FHIT: variants seen among roughly 807,000 people sequenced by gnomAD.
FHIT encodes the protein bis(5'-adenosyl)-triphosphatase.
A neutral mutation model predicts 17.9 loss-of-function variants in FHIT; 19 were observed. The observed-to-expected ratio is 1.06, with a 90% CI of 0.74 to 1.56. The LOEUF (loss-of-function observed/expected upper bound fraction) is 1.56. Ranked by LOEUF, FHIT falls within the 40% of genes most tolerant of loss-of-function variation. The pLI, the probability that FHIT is intolerant of heterozygous loss-of-function variation, is 0.00. For synonymous variants in FHIT, 81 were observed against 69.7 expected (o/e 1.16, Z -0.81); for missense variants, 248 against 189.2 (o/e 1.31, Z -1.82).
In FHIT at chr3:60,357,720, T is replaced by C. The variant is rs142870408; in HGVS notation, c.103+179140A>G. On this transcript the variant is annotated intron_variant, in intron 5 of 9. Coordinates refer to ENST00000492590, the MANE Select transcript of FHIT (RefSeq NM_002012.4). The stretch of plus-strand genomic sequence containing the variant: ...CATATTATTCTCTGTAGTATATACT[T>C]TCATATTGATACACATATTTAACAT... Among the ~76,000 whole-genome samples the C allele has an allele frequency of 8.1e-3, 1,241 of 152,326 alleles. 16 individuals carry two copies. The highest frequency in any genetic ancestry group is 0.048 in the Middle Eastern group (14 of 292).
chr3:60,257,542 C>T (rs1390737085), intron 5 of FHIT, among the ~76,000 whole-genome samples: 1 of 152,136 alleles, frequency 6.6e-6, no homozygotes, highest in Non-Finnish European at 1.5e-5. Flanking sequence ...GCTGTGGATG[C>T]CCTAACCCAT....
At chr3:60,940,212 T>C (rs1280414268) in intron 3 of FHIT, among the ~76,000 whole-genome samples, 3 of 152,134 alleles carry the variant, frequency 2.0e-5, no homozygotes, top group Non-Finnish European at 4.4e-5. Context: ...TAAATATTGG[T>C]TTTAAAATAA....
At chr3:59,792,402 G>A (rs1353354639) in intron 8 of FHIT, among the ~76,000 whole-genome samples, 3 of 152,120 alleles carry the variant, frequency 2.0e-5, no homozygotes, top group African/African-American at 7.2e-5. Context: ...GAAGGTGAGG[G>A]TTCCAAGTAC....
chr3:60,508,709 T>C (rs989004672), intron 5 of FHIT, among the ~76,000 whole-genome samples: 2 of 152,196 alleles, frequency 1.3e-5, no homozygotes, highest in African/African-American at 2.4e-5. Flanking sequence ...TTTGGATCAA[T>C]TCTTATCCAA....
chr3:60,899,098 AC>A, intron 3 of FHIT, among the ~76,000 whole-genome samples: 1 of 152,288 alleles, frequency 6.6e-6, no homozygotes, highest in African/African-American at 2.4e-5. Context: ...TACTTTGAAC[AC>A]CCTAATTATC....
intron 5 of FHIT, among the ~76,000 whole-genome samples, chr3:60,278,389 C>T (rs900985620): frequency 6.6e-6 from 1 of 152,154 alleles, no homozygotes; most frequent in African/African-American, 2.4e-5. Context: ...CTCTTTTAGC[C>T]TTCCTGTCTA....
At chr3:60,905,045 T>A (rs1283932563) in intron 3 of FHIT, among the ~76,000 whole-genome samples, 3 of 151,714 alleles carry the variant, frequency 2.0e-5, no homozygotes, top group African/African-American at 7.3e-5. Context: ...TATGAAAATA[T>A]GCTTAATTTT....
rs541828593 is a variant in FHIT, at chr3:60,236,030, T to G, written c.104-221878A>C. ...TTTTAATTCCTCAGACATACTCTTC[T>G]GCTGCACGTAGTTCTCACACCTCAA... On this transcript the variant is annotated intron_variant, in intron 5 of 9. Transcript: ENST00000492590. Among the ~76,000 whole-genome samples, 6 of 152,168 alleles carry G rather than the reference T, an allele frequency of 3.9e-5. No individual in the cohort carries two copies. The South Asian group carries it at 8.3e-4, about 21-fold the overall frequency.
chr3:60,902,467 C>A (rs782429462), intron 3 of FHIT, among the ~76,000 whole-genome samples: 1 of 152,188 alleles, frequency 6.6e-6, no homozygotes, highest in Non-Finnish European at 1.5e-5. Flanking sequence ...AAAGGGCTGA[C>A]CCGAAAGTTC....
intron 4 of FHIT, among the ~76,000 whole-genome samples, chr3:60,742,171 G>A (rs2042253885): frequency 6.6e-6 from 1 of 152,202 alleles, no homozygotes; most frequent in Admixed American, 6.5e-5. Flanking sequence ...GAGGGAATGA[G>A]TGCAAAATTC....
chr3:60,790,967 C>T lies in FHIT; in HGVS notation c.-18+30952G>A, dbSNP rs1282483800. On this transcript the variant is annotated intron_variant, in intron 4 of 9. Coordinates refer to ENST00000492590, the MANE Select transcript of FHIT (RefSeq NM_002012.4). ...CAGTTTTTCAGTAAAACTAAATTTG[C>T]TGTAGAAAATCGTCTGTTTTTTAAA... is the stretch of plus-strand genomic sequence containing the variant. Among the ~76,000 whole-genome samples the T allele has an allele frequency of 2.6e-5, 4 of 152,252 alleles. No homozygotes were observed. The East Asian group carries it at 5.8e-4, about 22-fold the overall frequency.
intron 4 of FHIT, among the ~76,000 whole-genome samples, chr3:60,614,809 GTTTTTTT>G (rs147892145): frequency 1.3e-5 from 1 of 78,226 alleles, no homozygotes; most frequent in Non-Finnish European, 2.4e-5. Flanking sequence ...TGCAAAAGTT[GTTTTTTT>G]TTTGTTTTTT....
intron 8 of FHIT, among the ~76,000 whole-genome samples, chr3:59,769,695 C>A (rs1331379317): frequency 6.6e-6 from 1 of 151,432 alleles, no homozygotes; most frequent in Non-Finnish European, 1.5e-5. Context: ...TTATTTGATT[C>A]CAATAACGTG....
intron 3 of FHIT, among the ~76,000 whole-genome samples, chr3:60,913,084 T>G (rs1447135692): frequency 6.6e-6 from 1 of 152,200 alleles, no homozygotes; most frequent in Non-Finnish European, 1.5e-5. Context: ...TGATTAATGA[T>G]TGCCACAAAG....
chr3:60,421,974 A>T (rs1455490004), intron 5 of FHIT, among the ~76,000 whole-genome samples: 1 of 152,144 alleles, frequency 6.6e-6, no homozygotes, highest in Non-Finnish European at 1.5e-5. Flanking sequence ...AAGGTAAAAG[A>T]TTAGAGATTG....
At chr3:60,740,097 A>G (rs1234818635) in intron 4 of FHIT, among the ~76,000 whole-genome samples, 1 of 152,252 alleles carries the variant, frequency 6.6e-6, no homozygotes, top group African/African-American at 2.4e-5. Flanking sequence ...AAAGAATACT[A>G]CATGTATCAA....
rs533603032 is a variant in FHIT, at chr3:61,129,742, G to A, written c.-164+70875C>T. On this transcript the variant is annotated intron_variant, in intron 2 of 9. Coordinates refer to ENST00000492590, the MANE Select transcript of FHIT (RefSeq NM_002012.4). ...GTCCATCCAATTTCATCAAGATGCTGAAAAAGTACTTAGGGTAATAAGTAT... is the reference window on the plus strand; with the variant it reads ...GTCCATCCAATTTCATCAAGATGCTAAAAAAGTACTTAGGGTAATAAGTAT... Among the ~76,000 whole-genome samples the A allele has an allele frequency of 1.8e-3, 267 of 152,250 alleles. 1 individual carries two copies. Among genetic ancestry groups the A allele is most frequent in the African/African-American group, 5.9e-3 (244 of 41,552 alleles).
At chr3:60,573,895 T>C (rs2037474509) in intron 4 of FHIT, among the ~76,000 whole-genome samples, 1 of 151,992 alleles carries the variant, frequency 6.6e-6, no homozygotes. Context: ...CTATAACCTC[T>C]GCCTCCCAGG....
intron 8 of FHIT, among the ~76,000 whole-genome samples, chr3:59,865,467 TTATG>T (rs1349250237): frequency 2.0e-5 from 3 of 152,220 alleles, no homozygotes; most frequent in African/African-American, 7.2e-5. Context: ...TTATATTACT[TTATG>T]TAGCTGAAAA....
Sources: gnomAD v4.1 joint callset for allele counts (sites outside exome capture counted in the v4.1 genomes callset) on GRCh38, gnomAD v4.1.1 for gene constraint, MANE v1.5 for transcripts, NCBI Gene and HGNC (gene_info 2026-07-23, HGNC 2026-07-21) for gene names.